The following NUP107 variants were observed in gnomAD, a reference collection of about 807,000 sequenced individuals.
NUP107 encodes nuclear pore complex protein Nup107.
NUP107 carries 101 observed loss-of-function variants against 141.0 expected under a neutral mutation model. The observed-to-expected ratio is 0.72, with a 90% CI of 0.61 to 0.84. NUP107 has a LOEUF of 0.84. NUP107 is among the 40% of genes least tolerant of loss of function. The probability of loss-of-function intolerance (pLI) is 0.00; values close to 1 mark genes in which losing one functional copy is unlikely to be tolerated. For synonymous variants in NUP107, 319 were observed against 363.9 expected, an observed-to-expected ratio of 0.88 and a Z score of 1.41; for missense variants, 941 against 1,102.7, an observed-to-expected ratio of 0.85 and a Z score of 2.08.
intron 19 of NUP107, among the ~76,000 whole-genome samples, chr12:68,727,121 T>C (rs1240833521): frequency 1.3e-5 from 2 of 152,190 alleles, no homozygotes; most frequent in Non-Finnish European, 2.9e-5. Context: ...TTGGTCCTAA[T>C]TTCATCCTCT....
intron 8 of NUP107, among the ~76,000 whole-genome samples, chr12:68,704,002 A>C (rs1876459978): frequency 6.6e-6 from 1 of 152,180 alleles, no homozygotes; most frequent in Non-Finnish European, 1.5e-5. Context: ...TGAGCCCAGG[A>C]GTTCAAGGCT....
At chr12:68,710,950 G>T (rs1422993185) in intron 10 of NUP107, among the ~76,000 whole-genome samples, 5 of 151,916 alleles carry the variant, frequency 3.3e-5, no homozygotes, top group African/African-American at 1.2e-4. Flanking sequence ...GGTATTCCGA[G>T]CTTTGGGGAA....
intron 20 of NUP107, among the ~76,000 whole-genome samples, chr12:68,728,420 T>C: frequency 8.9e-6 from 1 of 112,690 alleles, no homozygotes; most frequent in East Asian, 2.6e-4. Context: ...CGAAAACCTG[T>C]CTTTTTTTTT....
chr12:68,721,187 C>A lies in NUP107; in HGVS notation c.1311+10C>A, dbSNP rs1877334324. The A allele has an allele frequency of 6.3e-7, 1 of 1,588,002 alleles. No individual in the cohort carries two copies. Among genetic ancestry groups the A allele is most frequent in the African/African-American group, 1.3e-5 (1 of 74,398 alleles). On this transcript the variant is annotated intron_variant, in intron 15 of 27. Coordinates refer to ENST00000229179, the MANE Select transcript of NUP107 (RefSeq NM_020401.4). ...TGGGAATCTTAAGCAGGTATGCAAT[C>A]TGTTTTAATGTTTAAATTTTTTCTG... is the stretch of plus-strand genomic sequence containing the variant.
At chr12:68,734,597 C>A in intron 24 of NUP107, 111 bp from the exon 25 acceptor site, 2 of 837,268 alleles carry the variant, frequency 2.4e-6, no homozygotes, top group Middle Eastern at 3.7e-4. Context: ...AGTTTTATTT[C>A]TTGATGCTGC....
chr12:68,717,744 G>T (rs1877174982), intron 12 of NUP107, among the ~76,000 whole-genome samples: 1 of 152,068 alleles, frequency 6.6e-6, no homozygotes, highest in South Asian at 2.1e-4. Context: ...ATCATACAAT[G>T]TGCTTTTGTG....
chr12:68,732,663 T>C lies in NUP107; in HGVS notation c.2025T>C (p.Ile675=), dbSNP rs889497526. 3.1e-6 allele frequency: 5 copies of C among 1,600,532 alleles called. No individual in the cohort carries two copies. In the African/African-American group the frequency reaches 5.4e-5, roughly 17 times the overall value. The change falls in exon 23 of 28, where the codon ATT becomes ATC. Residue 675 remains isoleucine (I), a synonymous_variant. Transcript: ENST00000229179. ...TEEDRLKIDV[I]DWLVFDPAQR... is the part of the protein sequence containing the mutation. The stretch of plus-strand genomic sequence containing the variant: ...AGGATCGTTTAAAAATTGATGTAAT[T>C]GACTGGTTGGTATTTGACCCAGCGC...
intron 20 of NUP107, among the ~76,000 whole-genome samples, chr12:68,730,214 C>CTTTCTTTTTTTTTT (rs1877759308): frequency 1.2e-5 from 1 of 85,374 alleles, no homozygotes; most frequent in Non-Finnish European, 2.2e-5. Context: ...GTGATACTAC[C>CTTTCTTTTTTTTTT]TTTTTTTTTT....
Position 68,734,778 on chromosome 12 carries a change from C to T in NUP107, c.2333C>T (p.Pro778Leu). Residue 778 changes from proline (P) to leucine (L), a missense_variant, in exon 25 of 28, where the codon CCT (proline) becomes CTT (leucine). By Grantham distance (98) the Pro-to-Leu change is moderately conservative. Transcript: ENST00000229179. The stretch of plus-strand genomic sequence containing the variant: ...GTTCCACAAAAACCTGCTTTGATAC[C>T]TCAACCAACTTTTACTGAGAAAGTG... ...NSVPQKPALI[P>L]QPTFTEKVAH... 6.2e-7 allele frequency: 1 copy of T among 1,613,086 alleles called. No homozygotes were observed.
intron 1 of NUP107, 35 bp downstream of exon 1, chr12:68,687,108 T>A: frequency 6.2e-7 from 1 of 1,613,320 alleles, no homozygotes; most frequent in Non-Finnish European, 8.5e-7. Context: ...GCCCGAAGTC[T>A]TGCCCGTCTC....
chr12:68,702,129 G>C (rs1431123422), intron 7 of NUP107, among the ~76,000 whole-genome samples: 1 of 152,064 alleles, frequency 6.6e-6, no homozygotes, highest in African/African-American at 2.4e-5. Flanking sequence ...GCTGGGATTA[G>C]AGGCGCATGC....
At chr12:68,722,349 A>T (rs575089501) in intron 17 of NUP107, among the ~76,000 whole-genome samples, 197 bp downstream of exon 17, 1 of 152,184 alleles carries the variant, frequency 6.6e-6, no homozygotes, top group Non-Finnish European at 1.5e-5. Flanking sequence ...GATTAATTTC[A>T]TCTAAGTATA....
At chr12:68,689,427 G>T in intron 2 of NUP107, 106 bp from the exon 3 acceptor site, 1 of 676,022 alleles carries the variant, frequency 1.5e-6, no homozygotes, top group East Asian at 2.8e-5. Context: ...TAAAATACTT[G>T]TTCTTGAAAA....
rs1480660588 is a variant in NUP107, at chr12:68,744,887, G to A, written c.*2425G>A. On this transcript the variant is annotated 3_prime_UTR_variant, in exon 28 of 28. Coordinates refer to ENST00000229179, the MANE Select transcript of NUP107 (RefSeq NM_020401.4). ...CCTCAGTGCCTACTCTTGAAGAACT[G>A]GGTTTTCATTCTAGAGAGGAAACTC... is the stretch of plus-strand genomic sequence containing the variant. The A allele has an allele frequency of 1.3e-5, 2 of 152,158 alleles. No individual in the cohort carries two copies. The highest frequency in any genetic ancestry group is 2.4e-5 in the African/African-American group (1 of 41,430). 9.4% of individuals were successfully genotyped at this position (152,158 alleles called of 1,614,324 possible). A position where few individuals can be genotyped will look rare whatever the true frequency, so the allele number is the denominator to read the frequency against.
chr12:68,733,327 AG>A lies in NUP107; in HGVS notation c.2102-124del, dbSNP rs1877921410. On this transcript the variant is annotated intron_variant, in intron 23 of 27. Transcript: ENST00000229179. ...TAGAAAGATCACCAAGACCTTTAAC[AG>A]AGTGCCTTGGGCCCTGAAATAGTTA... 5 of 758,174 alleles carry A rather than the reference AG, an allele frequency of 6.6e-6. No individual in the cohort carries two copies. The East Asian group carries it at 1.4e-4, about 21-fold the overall frequency. 47.0% of individuals were successfully genotyped at this position (758,174 alleles called of 1,614,324 possible). A position where few individuals can be genotyped will look rare whatever the true frequency, so the allele number is the denominator to read the frequency against.
intron 9 of NUP107, among the ~76,000 whole-genome samples, 194 bp from the exon 10 acceptor site, chr12:68,709,811 C>A (rs1015303579): frequency 6.6e-6 from 1 of 151,760 alleles, no homozygotes; most frequent in Non-Finnish European, 1.5e-5. Flanking sequence ...ATGACGTGAA[C>A]CCAGGAGGCA....
chr12:68,698,441 C>T (rs1050503149), intron 6 of NUP107, among the ~76,000 whole-genome samples: 2 of 152,200 alleles, frequency 1.3e-5, no homozygotes, highest in African/African-American at 4.8e-5. Context: ...ATCCAGCAAA[C>T]TCATTCCTTG....
In NUP107 at chr12:68,728,811, C is replaced by T. The variant is rs565777396; in HGVS notation, c.1734+1422C>T. ...TAAAAATCATAAGGAAGAGAAACTACGTTTATAGTACTATACTGTACCTGT... is the reference window on the plus strand; with the variant it reads ...TAAAAATCATAAGGAAGAGAAACTATGTTTATAGTACTATACTGTACCTGT... On this transcript the variant is annotated intron_variant, in intron 20 of 27. Coordinates refer to ENST00000229179, the MANE Select transcript of NUP107 (RefSeq NM_020401.4). Among the ~76,000 whole-genome samples the T allele has an allele frequency of 2.6e-5, 4 of 150,976 alleles. No individual in the cohort carries two copies. The South Asian group carries it at 6.3e-4, about 24-fold the overall frequency.
rs765714998 is a variant in NUP107 at position 68,692,028 on chromosome 12, T to C, written c.364T>C (p.Phe122Leu). 1 of 1,613,228 alleles carries C rather than the reference T, an allele frequency of 6.2e-7. No individual in the cohort carries two copies. Among genetic ancestry groups the C allele is most frequent in the Non-Finnish European group, 8.5e-7 (1 of 1,179,742 alleles). Residue 122 changes from phenylalanine to leucine, a missense_variant, in exon 5 of 28, where the codon TTC becomes CTC. Transcript: ENST00000229179. Reference protein sequence around the residue: ...AAFSSQRSGLFTNTEPHSITE... With the variant: ...AAFSSQRSGLLTNTEPHSITE... ...ATTTTCATCACAGCGTTCCGGGCTG[T>C]TCACAAACACAGAGCCCCACAGTAT...
Sources: allele counts gnomAD v4.1 joint callset (sites outside exome capture counted in the v4.1 genomes callset), GRCh38; gene constraint gnomAD v4.1.1; transcripts MANE v1.5; gene names NCBI Gene and HGNC (gene_info 2026-07-23, HGNC 2026-07-21).